Variants in SYT14 observed in about 807,000 individuals in gnomAD.
SYT14 encodes the protein synaptotagmin-14.
Under a neutral mutation model 74.2 loss-of-function variants are expected in SYT14, and 32 were observed. The observed-to-expected ratio is 0.43, with a 90% CI of 0.33 to 0.58. The LOEUF (loss-of-function observed/expected upper bound fraction) is 0.58, where lower values mean the gene tolerates loss of function less well. SYT14 is among the 20% of genes least tolerant of loss of function. The pLI, the probability that SYT14 is intolerant of heterozygous loss-of-function variation, is 0.05. For synonymous variants in SYT14, 298 were observed against 337.7 expected (o/e 0.88, Z 1.29); for missense variants, 791 against 981.8 (o/e 0.81, Z 2.60).
chr1:209,996,655 AAAAG>A (rs923262676), intron 2 of SYT14, among the ~76,000 whole-genome samples: 3 of 152,140 alleles, frequency 2.0e-5, no homozygotes, highest in African/African-American at 7.2e-5. Flanking sequence ...ACACAACAAA[AAAAG>A]AAAACTTCAG....
chr1:209,953,289 A>G (rs958983290), intron 2 of SYT14: 1 of 1,270,826 alleles, frequency 7.9e-7, no homozygotes, highest in Non-Finnish European at 1.0e-6. Flanking sequence ...GGAGGCAAGG[A>G]ATCAGGTATT....
At chr1:210,018,523 A>T (rs2102941746) in intron 4 of SYT14, among the ~76,000 whole-genome samples, 1 of 152,324 alleles carries the variant, frequency 6.6e-6, no homozygotes, top group African/African-American at 2.4e-5. Context: ...AGCAAAAATT[A>T]AAAAATAATG....
At chr1:209,960,721 A>ATCTAT (rs2079063469) in intron 2 of SYT14, among the ~76,000 whole-genome samples, 1 of 152,178 alleles carries the variant, frequency 6.6e-6, no homozygotes, top group Admixed American at 6.5e-5. Flanking sequence ...GTTGTAACTC[A>ATCTAT]TCTGAGAGCA....
intron 2 of SYT14, among the ~76,000 whole-genome samples, chr1:210,013,370 G>A (rs11119391): frequency 0.034 from 5,157 of 152,182 alleles, 607 homozygotes; most frequent in Admixed American, 0.23. Flanking sequence ...GTGCCTGGCC[G>A]ACTCCTGTCT....
intron 2 of SYT14, among the ~76,000 whole-genome samples, chr1:209,979,185 C>T (rs1226678725): frequency 6.6e-6 from 1 of 152,192 alleles, no homozygotes; most frequent in Non-Finnish European, 1.5e-5. Context: ...TGCTTTGGCT[C>T]ACGCTGGGTG....
exon 4 of SYT14, chr1:210,016,858 A>C: frequency 1.6e-6 from 2 of 1,231,848 alleles, no homozygotes; most frequent in Non-Finnish European, 2.0e-6. Context: ...GTTCTTTAAA[A>C]GATATTTTGA....
chr1:209,973,165 A>G (rs1334478647), intron 2 of SYT14, among the ~76,000 whole-genome samples: 1 of 147,920 alleles, frequency 6.8e-6, no homozygotes, highest in Non-Finnish European at 1.5e-5. Context: ...TAGCGACTCC[A>G]GCTCTTTTTT....
chr1:210,022,540 T>C (rs1229796493), intron 5 of SYT14, among the ~76,000 whole-genome samples: 1 of 152,216 alleles, frequency 6.6e-6, no homozygotes, highest in Non-Finnish European at 1.5e-5. Flanking sequence ...TGTTTTGAGA[T>C]CTGGTCCTTG....
intron 2 of SYT14, among the ~76,000 whole-genome samples, chr1:210,009,747 G>A (rs139744770): frequency 2.0e-5 from 3 of 152,024 alleles, no homozygotes; most frequent in Non-Finnish European, 2.9e-5. Flanking sequence ...TATTCTGTTG[G>A]CATTTCCAGT....
chr1:210,064,782 G>C (rs1227225647), intron 5 of SYT14, among the ~76,000 whole-genome samples: 3 of 151,958 alleles, frequency 2.0e-5, no homozygotes, highest in Non-Finnish European at 4.4e-5. Context: ...TGTATACCTA[G>C]GAATAGAATT....
rs1404742763 is a variant in SYT14, at chr1:210,000,610, C to CTTTTTT, written c.-485-13021_-485-13020insTTTTTT. Among the ~76,000 whole-genome samples the CTTTTTT allele has an allele frequency of 1.5e-4, 17 of 115,590 alleles. 3 individuals carry two copies. In the East Asian group the frequency reaches 3.4e-3, roughly 23 times the overall value. 75.8% of individuals were successfully genotyped at this position (115,590 alleles called of 152,430 possible). The stretch of plus-strand genomic sequence containing the variant: ...TACTTTCATTAGGGCTGTTTTATGC[C>CTTTTTT]TTCTTTTTTTTTTTTTTTTTTTGAG... On this transcript the variant is annotated intron_variant, in intron 2 of 9. Transcript: ENST00000637265.
At chr1:210,078,739 T>C (rs2081561868) in intron 5 of SYT14, among the ~76,000 whole-genome samples, 1 of 147,098 alleles carries the variant, frequency 6.8e-6, no homozygotes, top group Admixed American at 6.9e-5. Context: ...AATAATATGA[T>C]ATACGTATGA....
intron 1 of SYT14, among the ~76,000 whole-genome samples, chr1:209,940,013 G>A (rs1051796664): frequency 3.9e-5 from 6 of 152,140 alleles, no homozygotes; most frequent in African/African-American, 1.4e-4. Flanking sequence ...AGATTCTTCT[G>A]TGTTTGAGAT....
chr1:210,133,942 G>A (rs1317161960), intron 7 of SYT14, among the ~76,000 whole-genome samples: 1 of 151,498 alleles, frequency 6.6e-6, no homozygotes, highest in African/African-American at 2.4e-5. Context: ...TCCAAAGTAG[G>A]GAAGCTAAAG....
intron 5 of SYT14, among the ~76,000 whole-genome samples, chr1:210,082,522 G>A (rs771693950): frequency 2.6e-5 from 4 of 152,154 alleles, no homozygotes; most frequent in East Asian, 3.8e-4. Flanking sequence ...TGTATTCCCC[G>A]TGAGACTATG....
At chr1:209,942,360 A>AACCCCCCCCCCCCCCCC (rs2078747291) in intron 1 of SYT14, among the ~76,000 whole-genome samples, 1 of 74,596 alleles carries the variant, frequency 1.3e-5, no homozygotes, top group African/African-American at 9.5e-5. Flanking sequence ...ATGCAAATTT[A>AACCCCCCCCCCCCCCCC]CCCCCCCCCC....
intron 7 of SYT14, among the ~76,000 whole-genome samples, chr1:210,138,455 T>C (rs12117075): frequency 0.38 from 57,347 of 152,082 alleles, 12,695 homozygotes; most frequent in Non-Finnish European, 0.49. Context: ...TCACTCACTA[T>C]CTACTTTTTT....
At chr1:210,171,107 A>AT (rs2083521212) in exon 10 of SYT14, 1 of 152,154 alleles carries the variant, frequency 6.6e-6, no homozygotes, top group Non-Finnish European at 1.5e-5. Context: ...TAGTTTGTTG[A>AT]TTTTTAATTC....
intron 5 of SYT14, among the ~76,000 whole-genome samples, chr1:210,048,315 C>T (rs1336873340): frequency 6.6e-6 from 1 of 152,128 alleles, no homozygotes; most frequent in Non-Finnish European, 1.5e-5. Context: ...TCCATTTTCA[C>T]ACCACTGATA....
Sources: gnomAD v4.1 joint callset for allele counts (sites outside exome capture counted in the v4.1 genomes callset) on GRCh38, gnomAD v4.1.1 for gene constraint, MANE v1.5 for transcripts, NCBI Gene and HGNC (gene_info 2026-07-23, HGNC 2026-07-21) for gene names.